Variants in VAMP1 observed in about 807,000 individuals in gnomAD.
The protein encoded by VAMP1 is vesicle-associated membrane protein 1.
VAMP1 carries 16 observed loss-of-function variants against 19.1 expected under a neutral mutation model. That is an observed-to-expected ratio of 0.84 (90% CI 0.57 to 1.27). The LOEUF (loss-of-function observed/expected upper bound fraction) is 1.27, where lower values mean the gene tolerates loss of function less well. VAMP1 is among the 50% of genes most tolerant of loss of function. The pLI is 0.00. For synonymous variants in VAMP1, 37 were observed against 50.2 expected (o/e 0.74, Z 1.11); for missense variants, 109 against 145.4 (o/e 0.75, Z 1.29).
rs371057949 is a variant in VAMP1, at chr12:6,464,537, G to A, written c.341-51C>T. Reference sequence around the variant, plus strand: ...AGACGGAAAAGAGAAAGAGACAGGAGAAAACAAGAGGGTGAATTACACCAA... The same window carrying A: ...AGACGGAAAAGAGAAAGAGACAGGAAAAAACAAGAGGGTGAATTACACCAA... On this transcript the variant is annotated intron_variant, in intron 4 of 4. Transcript: ENST00000396308. 5,329 of 1,470,984 alleles carry A rather than the reference G, an allele frequency of 3.6e-3. 17 individuals carry two copies. Among genetic ancestry groups the A allele is most frequent in the Non-Finnish European group, 4.5e-3 (4,998 of 1,111,396 alleles). The allele number at this position is 1,470,984 out of a possible 1,614,324, so 91.1% of individuals were successfully genotyped here.
chr12:6,469,303 A>G (rs2240867), intron 1 of VAMP1, among the ~76,000 whole-genome samples: 129,917 of 152,082 alleles, frequency 0.85, 55,876 homozygotes, highest in African/African-American at 0.95. Flanking sequence ...CCAGGATGGT[A>G]GCACCAATGA....
At chr12:6,470,501 G>A (rs771527904) in intron 1 of VAMP1, 29 bp downstream of exon 1, 11 of 1,613,832 alleles carry the variant, frequency 6.8e-6, no homozygotes, top group Admixed American at 1.7e-5. Flanking sequence ...TCAAGGAGGT[G>A]CCGAGCCCCC....
intron 1 of VAMP1, 22 bp downstream of exon 1, chr12:6,470,508 C>G: frequency 6.2e-7 from 1 of 1,613,958 alleles, no homozygotes; most frequent in South Asian, 1.1e-5. Flanking sequence ...GGTGCCGAGC[C>G]CCCACACCAG....
rs114509703 is a variant in VAMP1, at chr12:6,463,727, G to C, written c.*743C>G. ...CCTCATACAGAATGCTGTAGAAAAT[G>C]TAAAGAAGAGAAAGCTCCTTCCAGC... On this transcript the variant is annotated 3_prime_UTR_variant, in exon 5 of 5. Transcript: ENST00000396308. The surrounding 1 kb of genome is among the most constrained non-coding windows in gnomAD (Gnocchi z 4.0). 718 of 1,155,560 alleles carry C rather than the reference G, an allele frequency of 6.2e-4. 4 individuals carry two copies. In the African/African-American group the frequency reaches 0.011, roughly 17 times the overall value. 71.6% of individuals were successfully genotyped at this position (1,155,560 alleles called of 1,614,324 possible).
Position 6,464,076 on chromosome 12 carries a change from G to A in VAMP1, c.*394C>T, listed in dbSNP as rs919054192. 3.8e-6 allele frequency: 5 copies of A among 1,302,622 alleles called. No individual in the cohort carries two copies. Among genetic ancestry groups the A allele is most frequent in the Admixed American group, 4.6e-5 (2 of 43,870 alleles). The allele number at this position is 1,302,622 out of a possible 1,614,324, so 80.7% of individuals were successfully genotyped here. A position where few individuals can be genotyped will look rare whatever the true frequency, so the allele number is the denominator to read the frequency against. ...CTCCCTAGCTCCTACCAGTGGCCAGGTTTTCTAGAAGTCACCATGGGCACC... is the reference window on the plus strand; with the variant it reads ...CTCCCTAGCTCCTACCAGTGGCCAGATTTTCTAGAAGTCACCATGGGCACC... On this transcript the variant is annotated 3_prime_UTR_variant, in exon 5 of 5. Coordinates refer to ENST00000396308, the MANE Select transcript of VAMP1 (RefSeq NM_014231.5).
Position 6,463,959 on chromosome 12 carries a change from G to A in VAMP1, c.*511C>T. ...CTGCACTGAAACCAAGTTGGACTTTGGTCCACCCCCAGGACCCTCTTCAGG... is the reference window on the plus strand; with the variant it reads ...CTGCACTGAAACCAAGTTGGACTTTAGTCCACCCCCAGGACCCTCTTCAGG... On this transcript the variant is annotated 3_prime_UTR_variant, in exon 5 of 5. Coordinates refer to ENST00000396308, the MANE Select transcript of VAMP1 (RefSeq NM_014231.5). This position sits in a 1 kb window ranked among gnomAD's most constrained non-coding sequence, Gnocchi z 4.0. The A allele has an allele frequency of 7.8e-7, 1 of 1,290,152 alleles. No individual in the cohort carries two copies. The highest frequency in any genetic ancestry group is 1.5e-5 in the African/African-American group (1 of 66,016). 79.9% of individuals were successfully genotyped at this position (1,290,152 alleles called of 1,614,324 possible). A position where few individuals can be genotyped will look rare whatever the true frequency, so the allele number is the denominator to read the frequency against.
Position 6,463,302 on chromosome 12 carries a change from G to A in VAMP1, c.*1168C>T. 8.1e-7 allele frequency: 1 copy of A among 1,233,694 alleles called. No individual in the cohort carries two copies. Among genetic ancestry groups the A allele is most frequent in the South Asian group, 2.0e-5 (1 of 49,776 alleles). 76.4% of individuals were successfully genotyped at this position (1,233,694 alleles called of 1,614,324 possible). A position where few individuals can be genotyped will look rare whatever the true frequency, so the allele number is the denominator to read the frequency against. ...AGCACAGCAATACACAAGCACACCT[G>A]ACACAGGCTGGCACGCCTCCCCCCA... On this transcript the variant is annotated 3_prime_UTR_variant, in exon 5 of 5. Coordinates refer to ENST00000396308, the MANE Select transcript of VAMP1 (RefSeq NM_014231.5). This position sits in a 1 kb window ranked among gnomAD's most constrained non-coding sequence, Gnocchi z 4.0.
chr12:6,463,296 A>ACACCTGACAC lies in VAMP1; in HGVS notation c.*1164_*1173dup. The ACACCTGACAC allele has an allele frequency of 8.0e-7, 1 of 1,248,586 alleles. No homozygotes were observed. Among genetic ancestry groups the ACACCTGACAC allele is most frequent in the Non-Finnish European group, 1.0e-6 (1 of 989,312 alleles). The allele number at this position is 1,248,586 out of a possible 1,614,324, so 77.3% of individuals were successfully genotyped here. A position where few individuals can be genotyped will look rare whatever the true frequency, so the allele number is the denominator to read the frequency against. On this transcript the variant is annotated 3_prime_UTR_variant, in exon 5 of 5. Transcript: ENST00000396308. This position sits in a 1 kb window ranked among gnomAD's most constrained non-coding sequence, Gnocchi z 4.0. ...CATGACAGCACAGCAATACACAAGC[A>ACACCTGACAC]CACCTGACACAGGCTGGCACGCCTC... is the stretch of plus-strand genomic sequence containing the variant.
In VAMP1 at chr12:6,465,414, GTATA is replaced by G. The variant is rs746403911; in HGVS notation, c.288+424_288+427del. 315 of 39,158 alleles carry G rather than the reference GTATA, an allele frequency of 8.0e-3. 1 individual carries two copies. The highest frequency in any genetic ancestry group is 0.051 in the East Asian group (62 of 1,216). The allele number at this position is 39,158 out of a possible 1,614,324, so 2.4% of individuals were successfully genotyped here. A position where few individuals can be genotyped will look rare whatever the true frequency, so the allele number is the denominator to read the frequency against. ...TATATATATATAAATGTATATATATGTATATATATATATAAATGTATATATATGT... is the reference window on the plus strand; with the variant it reads ...TATATATATATAAATGTATATATATGTATATATATAAATGTATATATATGT... On this transcript the variant is annotated intron_variant, in intron 3 of 4. Transcript: ENST00000396308.
chr12:6,469,395 C>T (rs898779492), intron 1 of VAMP1, among the ~76,000 whole-genome samples: 2 of 152,338 alleles, frequency 1.3e-5, no homozygotes, highest in Admixed American at 1.3e-4. Context: ...CACGTAGATA[C>T]TATCTGGAAG....
chr12:6,463,583 G>A lies in VAMP1; in HGVS notation c.*887C>T, dbSNP rs958168876. The stretch of plus-strand genomic sequence containing the variant: ...CTTGTTACTTTCAAATTAAGCACTT[G>A]ACTCACTGTTTCTCTATAACTAACA... On this transcript the variant is annotated 3_prime_UTR_variant, in exon 5 of 5. Transcript: ENST00000396308. This position sits in a 1 kb window ranked among gnomAD's most constrained non-coding sequence, Gnocchi z 4.0. The A allele has an allele frequency of 1.9e-6, 2 of 1,063,140 alleles. No homozygotes were observed. Among genetic ancestry groups the A allele is most frequent in the African/African-American group, 3.4e-5 (2 of 58,320 alleles). 65.9% of individuals were successfully genotyped at this position (1,063,140 alleles called of 1,614,324 possible). A position where few individuals can be genotyped will look rare whatever the true frequency, so the allele number is the denominator to read the frequency against.
intron 3 of VAMP1, 113 bp from the exon 4 acceptor site, chr12:6,465,054 C>T (rs1949970759): frequency 1.3e-6 from 2 of 1,512,640 alleles, no homozygotes; most frequent in East Asian, 2.3e-5. Context: ...GAAAAAACCA[C>T]CCATCACCCA....
rs1001593270 is a variant in VAMP1, at chr12:6,462,682, C to T, written c.*1788G>A. ...GATAGGGCTGGGAGAGCCAAGAGGA[C>T]GGATTCGCTCCAGGCTTGGGACACA... On this transcript the variant is annotated 3_prime_UTR_variant, in exon 5 of 5. Coordinates refer to ENST00000396308, the MANE Select transcript of VAMP1 (RefSeq NM_014231.5). The T allele has an allele frequency of 3.7e-5, 31 of 847,000 alleles. No individual in the cohort carries two copies. The highest frequency in any genetic ancestry group is 3.5e-4 in the Middle Eastern group (1 of 2,860). The allele number at this position is 847,000 out of a possible 1,614,324, so 52.5% of individuals were successfully genotyped here.
At chr12:6,469,009 C>T (rs1945701970) in intron 1 of VAMP1, among the ~76,000 whole-genome samples, 1 of 152,146 alleles carries the variant, frequency 6.6e-6, no homozygotes, top group South Asian at 2.1e-4. Flanking sequence ...AGAACTAATA[C>T]CCAGAAGCTC....
At chr12:6,468,957 C>T (rs1054535343) in intron 1 of VAMP1, among the ~76,000 whole-genome samples, 1 of 152,150 alleles carries the variant, frequency 6.6e-6, no homozygotes. Flanking sequence ...AAAAATGAAA[C>T]CACAAAGTCA....
chr12:6,465,096 C>T, intron 3 of VAMP1, 155 bp from the exon 4 acceptor site: 3 of 1,060,256 alleles, frequency 2.8e-6, no homozygotes, highest in African/African-American at 1.6e-5. Flanking sequence ...AGAGGCCCTA[C>T]CCTTCTGCTT....
Position 6,463,331 on chromosome 12 carries a change from T to C in VAMP1, c.*1139A>G, listed in dbSNP as rs1176978366. ...CAGGCTGGCACGCCTCCCCCCAAGGTGGGGCTGGTGGGTCTACATGACTTC... is the reference window on the plus strand; with the variant it reads ...CAGGCTGGCACGCCTCCCCCCAAGGCGGGGCTGGTGGGTCTACATGACTTC... On this transcript the variant is annotated 3_prime_UTR_variant, in exon 5 of 5. Transcript: ENST00000396308. This position sits in a 1 kb window ranked among gnomAD's most constrained non-coding sequence, Gnocchi z 4.0. 1.9e-5 allele frequency: 22 copies of C among 1,169,792 alleles called. No homozygotes were observed. The highest frequency in any genetic ancestry group is 2.2e-5 in the Non-Finnish European group (21 of 940,634). 72.5% of individuals were successfully genotyped at this position (1,169,792 alleles called of 1,614,324 possible).
At chr12:6,465,413 T>C (rs1452158619) in intron 3 of VAMP1, 2 of 93,392 alleles carry the variant, frequency 2.1e-5, no homozygotes, top group East Asian at 3.6e-4. Flanking sequence ...TGTATATATA[T>C]GTATATATAT....
At chr12:6,467,373 G>A (rs892249031) in intron 1 of VAMP1, among the ~76,000 whole-genome samples, 5 of 152,176 alleles carry the variant, frequency 3.3e-5, no homozygotes, top group African/African-American at 1.2e-4. Flanking sequence ...TTAGTGATAT[G>A]AACAATAAGG....
Sources: gnomAD v4.1 joint callset for allele counts (sites outside exome capture counted in the v4.1 genomes callset) on GRCh38, gnomAD v4.1.1 for gene constraint, Gnocchi (gnomAD v3.1) non-coding constraint, MANE v1.5 for transcripts, NCBI Gene and HGNC (gene_info 2026-07-23, HGNC 2026-07-21) for gene names.